KIRREL3: variants seen among roughly 807,000 people sequenced by gnomAD.
The protein encoded by KIRREL3 is kin of IRRE-like protein 3.
KIRREL3 carries 36 observed loss-of-function variants against 89.7 expected under a neutral mutation model. The observed-to-expected ratio is 0.40, with a 90% CI of 0.31 to 0.53. The LOEUF is 0.53. Ranked by LOEUF, KIRREL3 falls within the 20% of genes least tolerant of loss-of-function variation. KIRREL3 has a pLI of 0.49. For missense variants in KIRREL3, 864 were observed against 1,056.6 expected, an observed-to-expected ratio of 0.82 and a Z score of 2.53; for synonymous variants, 445 against 441.4, an observed-to-expected ratio of 1.01 and a Z score of -0.10.
rs548739845 is a variant in KIRREL3, at chr11:126,678,676, C to T, written c.56-115764G>A. Among the ~76,000 whole-genome samples, 7 of 148,630 alleles carry T rather than the reference C, an allele frequency of 4.7e-5. No individual in the cohort carries two copies. In the East Asian group the frequency reaches 1.4e-3, roughly 30 times the overall value. ...TGGGTCATGATAGAGGAGTCAGATC[C>T]CTTGCTGGTAAGGGAGTGATCTTAC... On this transcript the variant is annotated intron_variant, in intron 1 of 16. Coordinates refer to ENST00000525144, the MANE Select transcript of KIRREL3 (RefSeq NM_032531.4).
intron 1 of KIRREL3, among the ~76,000 whole-genome samples, chr11:126,580,047 G>A (rs891176878): frequency 2.0e-5 from 3 of 151,938 alleles, no homozygotes; most frequent in Non-Finnish European, 2.9e-5. Flanking sequence ...GGGTTTCACC[G>A]TGTTAGCCAG....
rs61897892 is a variant in KIRREL3, at chr11:126,724,062, T to G, written c.56-161150A>C. Among the ~76,000 whole-genome samples, 11,451 of 152,178 alleles carry G rather than the reference T, an allele frequency of 0.075. 663 individuals carry two copies. Among genetic ancestry groups the G allele is most frequent in the African/African-American group, 0.16 (6,718 of 41,484 alleles). ...CTGAGGCTGTTCCATTTGAGCCTTT[T>G]TGTCTTGCTTGGCTCTTTGTCAAAA... On this transcript the variant is annotated intron_variant, in intron 1 of 16. Coordinates refer to ENST00000525144, the MANE Select transcript of KIRREL3 (RefSeq NM_032531.4). This position sits in a 1 kb window ranked among gnomAD's most constrained non-coding sequence, Gnocchi z 4.3.
chr11:126,866,226 C>T (rs1361121890), intron 1 of KIRREL3, among the ~76,000 whole-genome samples: 1 of 152,186 alleles, frequency 6.6e-6, no homozygotes, highest in Non-Finnish European at 1.5e-5. Context: ...GATTACCCCA[C>T]AGTTAGGAAG....
Position 126,436,788 on chromosome 11 carries a change from C to T in KIRREL3, c.1552+23G>A, listed in dbSNP as rs182283799. 1.9e-6 allele frequency: 3 copies of T among 1,612,932 alleles called. No individual in the cohort carries two copies. In the African/African-American group the frequency reaches 4.0e-5, roughly 21 times the overall value. Reference sequence around the variant, plus strand: ...CTCTGGTTCCATCGTTCGTTGTTCCCTCATGGCCCTGGCAGCTCTCACCTT... The same window carrying T: ...CTCTGGTTCCATCGTTCGTTGTTCCTTCATGGCCCTGGCAGCTCTCACCTT... On this transcript the variant is annotated intron_variant, in intron 12 of 16. Transcript: ENST00000525144.
At chr11:126,545,741 G>C (rs1019929878) in intron 2 of KIRREL3, among the ~76,000 whole-genome samples, 2 of 152,216 alleles carry the variant, frequency 1.3e-5, no homozygotes, top group Admixed American at 6.5e-5. Context: ...TATCATGAGG[G>C]CCCAGACAGA....
intron 1 of KIRREL3, among the ~76,000 whole-genome samples, chr11:126,619,543 GTT>G (rs1348332874): frequency 6.6e-6 from 1 of 152,238 alleles, no homozygotes; most frequent in Non-Finnish European, 1.5e-5. Context: ...TGGAAGGACT[GTT>G]CTCTCTTCTA....
rs1432831442 is a variant in KIRREL3, at chr11:126,796,900, G to A, written c.55+203555C>T. On this transcript the variant is annotated intron_variant, in intron 1 of 16. Coordinates refer to ENST00000525144, the MANE Select transcript of KIRREL3 (RefSeq NM_032531.4). The surrounding 1 kb of genome is among the most constrained non-coding windows in gnomAD (Gnocchi z 5.1). ...AAATCTGATTGTTGGCAGAGCCCTC[G>A]GACTTAGAAAAAGATCTGCCTGATT... Among the ~76,000 whole-genome samples, 5 of 152,114 alleles carry A rather than the reference G, an allele frequency of 3.3e-5. No homozygotes were observed. The highest frequency in any genetic ancestry group is 2.1e-4 in the South Asian group (1 of 4,816).
chr11:126,618,268 G>A (rs1459493200), intron 1 of KIRREL3, among the ~76,000 whole-genome samples: 2 of 21,830 alleles, frequency 9.2e-5, no homozygotes, highest in Non-Finnish European at 2.7e-4. Context: ...ACTCACTCAT[G>A]AGAACTCACC....
chr11:126,649,475 G>A (rs1944824864), intron 1 of KIRREL3, among the ~76,000 whole-genome samples: 1 of 152,156 alleles, frequency 6.6e-6, no homozygotes, highest in Non-Finnish European at 1.5e-5. Context: ...ACAGGTATTG[G>A]GTAAATACAG....
Position 126,516,257 on chromosome 11 carries a change from C to T in KIRREL3, c.433+5058G>A, listed in dbSNP as rs1220154034. On this transcript the variant is annotated intron_variant, in intron 4 of 16. Coordinates refer to ENST00000525144, the MANE Select transcript of KIRREL3 (RefSeq NM_032531.4). The surrounding 1 kb of genome is among the most constrained non-coding windows in gnomAD (Gnocchi z 4.9). ...TAGGAAGCTTTATTTCTAACGGGAGCCACAAGACAGCAGAGTTAATATTAG... is the reference window on the plus strand; with the variant it reads ...TAGGAAGCTTTATTTCTAACGGGAGTCACAAGACAGCAGAGTTAATATTAG... Among the ~76,000 whole-genome samples, 1 of 152,154 alleles carries T rather than the reference C, an allele frequency of 6.6e-6. No individual in the cohort carries two copies. The highest frequency in any genetic ancestry group is 2.1e-4 in the South Asian group (1 of 4,814).
intron 1 of KIRREL3, among the ~76,000 whole-genome samples, chr11:126,826,701 A>C (rs10736561): frequency 1.3e-5 from 2 of 152,088 alleles, no homozygotes; most frequent in Non-Finnish European, 2.9e-5. Flanking sequence ...TCTGGTCTGC[A>C]GCAAGGTAGA....
rs768378498 is a variant in KIRREL3, at chr11:126,917,615, C to T, written c.55+82840G>A. On this transcript the variant is annotated intron_variant, in intron 1 of 16. Transcript: ENST00000525144. The surrounding 1 kb of genome is among the most constrained non-coding windows in gnomAD (Gnocchi z 5.0). Reference sequence around the variant, plus strand: ...GGCTGTGTGGGGAGTGAGTAATGATCACCTGGTGCAATCTGGTTTCTAGTA... The same window carrying T: ...GGCTGTGTGGGGAGTGAGTAATGATTACCTGGTGCAATCTGGTTTCTAGTA... Among the ~76,000 whole-genome samples the T allele has an allele frequency of 3.2e-4, 48 of 152,128 alleles. No homozygotes were observed. The highest frequency in any genetic ancestry group is 5.7e-4 in the Non-Finnish European group (39 of 68,030).
At position 126,709,400 on chromosome 11, in the gene KIRREL3, G is replaced by T. The variant is rs1426523967; in HGVS notation, c.56-146488C>A. On this transcript the variant is annotated intron_variant, in intron 1 of 16. Transcript: ENST00000525144. The surrounding 1 kb of genome is among the most constrained non-coding windows in gnomAD (Gnocchi z 4.0). ...AAGATGCAGCCAAACAGGAAAGACA[G>T]AGTTCACACCTAACTGGCTAAAGTA... 1.3e-5 allele frequency among the ~76,000 whole-genome samples: 2 copies of T among 152,318 alleles called. No homozygotes were observed. The highest frequency in any genetic ancestry group is 2.4e-5 in the African/African-American group (1 of 41,564).
rs1475833970 is a variant in KIRREL3 at position 126,715,370 on chromosome 11, C to G, written c.56-152458G>C. 6.6e-6 allele frequency among the ~76,000 whole-genome samples: 1 copy of G among 152,150 alleles called. No homozygotes were observed. The highest frequency in any genetic ancestry group is 2.4e-5 in the African/African-American group (1 of 41,406). On this transcript the variant is annotated intron_variant, in intron 1 of 16. Transcript: ENST00000525144. The surrounding 1 kb of genome is among the most constrained non-coding windows in gnomAD (Gnocchi z 4.4). ...GACAGTTGCTGTGCTTCTGCTCTGC[C>G]CTGGCCAGCCTCTGAGGGGGTCTCC...
At chr11:126,923,026 C>T (rs1166904722) in intron 1 of KIRREL3, among the ~76,000 whole-genome samples, 2 of 152,220 alleles carry the variant, frequency 1.3e-5, no homozygotes, top group Admixed American at 6.5e-5. Context: ...CCCATGGCAG[C>T]ATGCCCTCCT....
rs986293731 is a variant in KIRREL3 at position 126,474,560 on chromosome 11, C to T, written c.434-1094G>A. 2.0e-5 allele frequency among the ~76,000 whole-genome samples: 3 copies of T among 152,232 alleles called. No individual in the cohort carries two copies. The highest frequency in any genetic ancestry group is 2.1e-4 in the South Asian group (1 of 4,836). On this transcript the variant is annotated intron_variant, in intron 4 of 16. Transcript: ENST00000525144. The surrounding 1 kb of genome is among the most constrained non-coding windows in gnomAD (Gnocchi z 6.7). ...TCCTGAGCTCCTCACTCCTCCAGAG[C>T]GGCTCCAGCCCCTTCATCCCCAGAG...
At position 126,791,195 on chromosome 11, in the gene KIRREL3, G is replaced by A. The variant is rs971904902; in HGVS notation, c.55+209260C>T. 2.0e-5 allele frequency among the ~76,000 whole-genome samples: 3 copies of A among 152,174 alleles called. No homozygotes were observed. Among genetic ancestry groups the A allele is most frequent in the African/African-American group, 7.2e-5 (3 of 41,438 alleles). On this transcript the variant is annotated intron_variant, in intron 1 of 16. Coordinates refer to ENST00000525144, the MANE Select transcript of KIRREL3 (RefSeq NM_032531.4). The surrounding 1 kb of genome is among the most constrained non-coding windows in gnomAD (Gnocchi z 4.8). ...GCTTCAGAAGAAAAGTCTGTGTTTA[G>A]GAAACCTCTTATTGAGGAAAGAGTA...
Position 126,579,923 on chromosome 11 carries a change from G to C in KIRREL3, c.56-17011C>G, listed in dbSNP as rs1165021588. Among the ~76,000 whole-genome samples the C allele has an allele frequency of 6.6e-6, 1 of 151,486 alleles. No individual in the cohort carries two copies. Among genetic ancestry groups the C allele is most frequent in the Non-Finnish European group, 1.5e-5 (1 of 67,964 alleles). Reference sequence around the variant, plus strand: ...TGCAGTGGCACAATCTTGGCTCACTGGAAGCTCCACCTCCTGGATTCACGC... The same window carrying C: ...TGCAGTGGCACAATCTTGGCTCACTCGAAGCTCCACCTCCTGGATTCACGC... On this transcript the variant is annotated intron_variant, in intron 1 of 16. Coordinates refer to ENST00000525144, the MANE Select transcript of KIRREL3 (RefSeq NM_032531.4). The surrounding 1 kb of genome is among the most constrained non-coding windows in gnomAD (Gnocchi z 5.3).
At chr11:126,478,601 ATATG>A (rs1313698147) in intron 4 of KIRREL3, among the ~76,000 whole-genome samples, 1 of 144,746 alleles carries the variant, frequency 6.9e-6, no homozygotes, top group Admixed American at 7.4e-5. Flanking sequence ...GTGTATATGT[ATATG>A]CATGTATATG....
Sources: allele counts gnomAD v4.1 joint callset (sites outside exome capture counted in the v4.1 genomes callset), GRCh38; gene constraint gnomAD v4.1.1; non-coding constraint Gnocchi (gnomAD v3.1); transcripts MANE v1.5; gene names NCBI Gene and HGNC (gene_info 2026-07-23, HGNC 2026-07-21).